KCNG2: variants seen among roughly 807,000 people sequenced by gnomAD.
The protein encoded by KCNG2 is voltage-gated potassium channel regulatory subunit KCNG2.
In KCNG2, 7 loss-of-function variants were observed where a neutral mutation model predicts 12.3. The observed-to-expected ratio is 0.57, with a 90% CI of 0.32 to 1.07. The LOEUF (loss-of-function observed/expected upper bound fraction) is 1.07, where lower values mean the gene tolerates loss of function less well. Among genes scored for constraint, KCNG2 ranks in the 50% least tolerant of loss-of-function variants. KCNG2 has a pLI of 0.04. For synonymous variants in KCNG2, 414 were observed against 351.4 expected, an observed-to-expected ratio of 1.18 and a Z score of -1.99; for missense variants, 703 against 726.0, an observed-to-expected ratio of 0.97 and a Z score of 0.36.
chr18:79,821,966 ACT>A (rs1250706767), intron 1 of KCNG2, among the ~76,000 whole-genome samples: 1 of 152,150 alleles, frequency 6.6e-6, no homozygotes, highest in Non-Finnish European at 1.5e-5. Context: ...GCAAAAAAGC[ACT>A]GTTTTTTGTA....
At chr18:79,867,164 T>C (rs62103185) in intron 3 of KCNG2, among the ~76,000 whole-genome samples, 15,535 of 134,068 alleles carry the variant, frequency 0.12, 893 homozygotes, top group Middle Eastern at 0.18. Context: ...TACCGAGGTC[T>C]GGGTGCTGAG....
chr18:79,813,116 T>C (rs2122997344), intron 1 of KCNG2, among the ~76,000 whole-genome samples: 1 of 152,278 alleles, frequency 6.6e-6, no homozygotes, highest in East Asian at 1.9e-4. Context: ...GATCGCGCCA[T>C]TGGAATCCAG....
At chr18:79,809,391 G>A (rs186286123) in intron 1 of KCNG2, among the ~76,000 whole-genome samples, 1,421 of 137,896 alleles carry the variant, frequency 0.01, 48 homozygotes, top group Non-Finnish European at 0.016. Context: ...TCGCTCTGAG[G>A]AGCTGCCGGG....
chr18:79,830,910 G>A (rs1207205350), intron 1 of KCNG2, among the ~76,000 whole-genome samples: 99 of 100,338 alleles, frequency 9.9e-4, no homozygotes, highest in African/African-American at 3.6e-3. Context: ...GGTTCCCTGC[G>A]GACAGAGCCT....
At chr18:79,867,602 G>T (rs1157442856) in intron 3 of KCNG2, among the ~76,000 whole-genome samples, 1 of 148,428 alleles carries the variant, frequency 6.7e-6, no homozygotes, top group Non-Finnish European at 1.5e-5. Flanking sequence ...GTCTGGGGGG[G>T]GACCGTGAGC....
chr18:79,885,464 G>T (rs1159991832), intron 3 of KCNG2, among the ~76,000 whole-genome samples: 1 of 152,160 alleles, frequency 6.6e-6, no homozygotes, highest in Non-Finnish European at 1.5e-5. Context: ...GGGCAGACCC[G>T]GTCCAGGTGG....
chr18:79,865,975 TGCCGAGG>T (rs1979506099), intron 3 of KCNG2, among the ~76,000 whole-genome samples: 2 of 103,918 alleles, frequency 1.9e-5, no homozygotes, highest in Non-Finnish European at 2.2e-5. Flanking sequence ...GAGGACTGTG[TGCCGAGG>T]TCTGGGTGCT....
At position 79,823,578 on chromosome 18, in the gene KCNG2, G is replaced by A. The variant is rs148454514; in HGVS notation, c.-115+25564G>A. 2.8e-3 allele frequency among the ~76,000 whole-genome samples: 421 copies of A among 152,210 alleles called. 3 individuals are homozygous for A. Among genetic ancestry groups the A allele is most frequent in the African/African-American group, 9.4e-3 (389 of 41,496 alleles). On this transcript the variant is annotated intron_variant, in intron 1 of 3. Transcript: ENST00000316249. ...GTGTGCTTGAACATGTTTTCCATACGTGTGAGAGTCATTTTTATCTTTTGT... is the reference window on the plus strand; with the variant it reads ...GTGTGCTTGAACATGTTTTCCATACATGTGAGAGTCATTTTTATCTTTTGT...
Position 79,874,733 on chromosome 18 carries a change from C to T in KCNG2, c.624+10442C>T, listed in dbSNP as rs3809930. On this transcript the variant is annotated intron_variant, in intron 3 of 3. Coordinates refer to ENST00000316249, the MANE Select transcript of KCNG2 (RefSeq NM_012283.2). ...TCCAAGGTGGAAGCTGGTGCATCTC[C>T]GCTCCCTCCTCTCCAGGAGGCCGGC... 1.6e-4 allele frequency among the ~76,000 whole-genome samples: 24 copies of T among 152,344 alleles called. No homozygotes were observed. The East Asian group carries it at 4.2e-3, about 27-fold the overall frequency.
At chr18:79,837,292 G>C (rs557299847) in intron 1 of KCNG2, among the ~76,000 whole-genome samples, 7 of 152,358 alleles carry the variant, frequency 4.6e-5, no homozygotes, top group East Asian at 1.9e-4. Context: ...GCCTTGGGCA[G>C]CTCTGCCCCT....
rs1429714588 is a variant in KCNG2, at chr18:79,865,391, GTGGGTGCTGAGAGGTC to G, written c.624+1111_624+1126del. Among the ~76,000 whole-genome samples the G allele has an allele frequency of 4.5e-5, 6 of 132,720 alleles. No homozygotes were observed. In the East Asian group the frequency reaches 9.6e-4, roughly 21 times the overall value. 87.1% of individuals were successfully genotyped at this position (132,720 alleles called of 152,430 possible). ...GTGCTGAGAGTGTGGGTGCTGAGGTGTGGGTGCTGAGAGGTCTGGGTGCTGAAAGGTCTGGGTGCTG... is the reference window on the plus strand; with the variant it reads ...GTGCTGAGAGTGTGGGTGCTGAGGTGTGGGTGCTGAAAGGTCTGGGTGCTG... On this transcript the variant is annotated intron_variant, in intron 3 of 3. Coordinates refer to ENST00000316249, the MANE Select transcript of KCNG2 (RefSeq NM_012283.2).
chr18:79,819,543 C>T (rs1568244902), intron 1 of KCNG2, among the ~76,000 whole-genome samples: 1 of 152,234 alleles, frequency 6.6e-6, no homozygotes, highest in South Asian at 2.1e-4. Context: ...CTGGGTGTCA[C>T]CCATGGACAA....
intron 1 of KCNG2, among the ~76,000 whole-genome samples, chr18:79,812,951 T>C (rs894614795): frequency 2.6e-5 from 4 of 151,610 alleles, no homozygotes; most frequent in South Asian, 2.1e-4. Context: ...AGGTCAGGAG[T>C]TTGAGACCAG....
rs760256221 is a variant in KCNG2 at position 79,899,329 on chromosome 18, C to T, written c.914C>T (p.Ser305Leu). The change falls in exon 4 of 4, where the codon TCG (serine) becomes TTG (leucine). Residue 305 changes from serine to leucine, a missense_variant. Transcript: ENST00000316249. ...TACGTGATGCGCCTGGCGCGCCACT[C>T]GCTGGGGCTGCGTTCGCTGGGCCTG... ...VLYVMRLARH[S>L]LGLRSLGLTM... 3.2e-6 allele frequency: 5 copies of T among 1,552,532 alleles called. No homozygotes were observed. Among genetic ancestry groups the T allele is most frequent in the Admixed American group, 3.9e-5 (2 of 51,382 alleles).
rs771047832 is a variant in KCNG2, at chr18:79,863,967, C to T, written c.300C>T (p.Ala100=). 3.9e-6 allele frequency: 5 copies of T among 1,270,702 alleles called. No individual in the cohort carries two copies. Among genetic ancestry groups the T allele is most frequent in the Admixed American group, 3.6e-5 (1 of 27,932 alleles). 78.7% of individuals were successfully genotyped at this position (1,270,702 alleles called of 1,614,324 possible). A position where few individuals can be genotyped will look rare whatever the true frequency, so the allele number is the denominator to read the frequency against. The part of the protein sequence containing the change: ...LRLLRGPCAL[A]FRDELAYWGI... The stretch of plus-strand genomic sequence containing the variant: ...TGCTGCGGGGCCCGTGCGCGCTGGC[C>T]TTCCGCGACGAGCTGGCCTACTGGG... Residue 100 remains alanine (A), a synonymous_variant, in exon 3 of 4, where the codon GCC becomes GCT. Coordinates refer to ENST00000316249, the MANE Select transcript of KCNG2 (RefSeq NM_012283.2).
chr18:79,834,871 GA>G (rs1158371665), intron 1 of KCNG2, among the ~76,000 whole-genome samples: 1 of 152,208 alleles, frequency 6.6e-6, no homozygotes, highest in African/African-American at 2.4e-5. Context: ...GCACATCACC[GA>G]ATAAACTCAG....
chr18:79,874,827 G>A (rs2123098336), intron 3 of KCNG2, among the ~76,000 whole-genome samples: 1 of 152,326 alleles, frequency 6.6e-6, no homozygotes, highest in South Asian at 2.1e-4. Context: ...ACGGTCACGT[G>A]TGCTCCTGCC....
At chr18:79,850,827 C>T (rs778331950) in intron 1 of KCNG2, among the ~76,000 whole-genome samples, 5 of 152,160 alleles carry the variant, frequency 3.3e-5, no homozygotes, top group Non-Finnish European at 7.3e-5. Flanking sequence ...GAGATCATGG[C>T]CCAGTAAGAA....
At chr18:79,874,918 T>C (rs1466848932) in intron 3 of KCNG2, among the ~76,000 whole-genome samples, 1 of 152,118 alleles carries the variant, frequency 6.6e-6, no homozygotes, top group Non-Finnish European at 1.5e-5. Context: ...TGGGGGTTCC[T>C]GGAGGGTGTC....
Sources: allele counts gnomAD v4.1 joint callset (sites outside exome capture counted in the v4.1 genomes callset), GRCh38; gene constraint gnomAD v4.1.1; transcripts MANE v1.5; gene names NCBI Gene and HGNC (gene_info 2026-07-23, HGNC 2026-07-21).